The following KCND2 variants were observed in gnomAD, a reference collection of about 807,000 sequenced individuals.
The protein encoded by KCND2 is A-type voltage-gated potassium channel KCND2.
A neutral mutation model predicts 54.4 loss-of-function variants in KCND2; 16 were observed. That is an observed-to-expected ratio of 0.29 (90% CI 0.20 to 0.45). The LOEUF (loss-of-function observed/expected upper bound fraction) is 0.45. Ranked by LOEUF, KCND2 falls within the 20% of genes least tolerant of loss-of-function variation. The pLI is 1.00. For synonymous variants in KCND2, 317 were observed against 310.7 expected (o/e 1.02, Z -0.21); for missense variants, 486 against 824.2 (o/e 0.59, Z 5.02).
intron 1 of KCND2, among the ~76,000 whole-genome samples, chr7:120,542,431 G>T (rs1160820064): frequency 6.6e-6 from 1 of 152,050 alleles, no homozygotes; most frequent in African/African-American, 2.4e-5. Flanking sequence ...TTCTCCAAGT[G>T]TATAAGTTTT....
At chr7:120,686,788 A>G (rs1341913712) in intron 1 of KCND2, among the ~76,000 whole-genome samples, 3 of 152,076 alleles carry the variant, frequency 2.0e-5, no homozygotes, top group Non-Finnish European at 4.4e-5. Context: ...TGTTCCTAGA[A>G]AAAGGTCATA....
At chr7:120,682,939 T>C in intron 1 of KCND2, among the ~76,000 whole-genome samples, 1 of 152,166 alleles carries the variant, frequency 6.6e-6, no homozygotes, top group East Asian at 1.9e-4. Flanking sequence ...AAGCATCACA[T>C]GTTCATAGAA....
At chr7:120,428,979 G>A (rs762779741) in intron 1 of KCND2, among the ~76,000 whole-genome samples, 3 of 152,056 alleles carry the variant, frequency 2.0e-5, no homozygotes, top group Non-Finnish European at 4.4e-5. Flanking sequence ...AGATGTTGCC[G>A]GGTCCTAAGG....
chr7:120,479,023 T>C (rs1315255568), intron 1 of KCND2, among the ~76,000 whole-genome samples: 1 of 152,204 alleles, frequency 6.6e-6, no homozygotes, highest in Non-Finnish European at 1.5e-5. Context: ...AAGTATTTTC[T>C]GCACCTTTGC....
At chr7:120,621,485 C>T (rs911618795) in intron 1 of KCND2, among the ~76,000 whole-genome samples, 8 of 151,654 alleles carry the variant, frequency 5.3e-5, no homozygotes, top group African/African-American at 1.5e-4. Context: ...AAATACAGGT[C>T]GATACACTCT....
chr7:120,281,358 A>C (rs1389268025), intron 1 of KCND2, among the ~76,000 whole-genome samples: 1 of 150,338 alleles, frequency 6.7e-6, no homozygotes, highest in African/African-American at 2.5e-5. Flanking sequence ...GTACATATGT[A>C]TGTATAAGCA....
intron 1 of KCND2, among the ~76,000 whole-genome samples, chr7:120,551,789 T>A (rs1256098520): frequency 6.6e-6 from 1 of 152,202 alleles, no homozygotes; most frequent in African/African-American, 2.4e-5. Flanking sequence ...CATTCATCCA[T>A]CTAATATTCA....
intron 1 of KCND2, among the ~76,000 whole-genome samples, chr7:120,452,747 A>G (rs866563820): frequency 2.0e-4 from 31 of 152,176 alleles, no homozygotes; most frequent in South Asian, 8.3e-4. Flanking sequence ...AAGAGCACAG[A>G]GGGTTTGGTG....
rs1031254536 is a variant in KCND2 at position 120,465,365 on chromosome 7, G to GA, written c.1115+189624dup. Among the ~76,000 whole-genome samples, 5 of 151,934 alleles carry GA rather than the reference G, an allele frequency of 3.3e-5. No homozygotes were observed. In the East Asian group the frequency reaches 9.7e-4, roughly 29 times the overall value. On this transcript the variant is annotated intron_variant, in intron 1 of 5. Transcript: ENST00000331113. ...TAGGATCATAGAGAATAAGCACCGA[G>GA]AAAAAAGGCATCTGATTCAGCCCTC... is the stretch of plus-strand genomic sequence containing the variant.
At chr7:120,358,619 G>A (rs1489655626) in intron 1 of KCND2, among the ~76,000 whole-genome samples, 1 of 151,934 alleles carries the variant, frequency 6.6e-6, no homozygotes, top group Non-Finnish European at 1.5e-5. Context: ...AAATACCTAA[G>A]TCTACCCTGA....
chr7:120,425,180 G>A (rs1801689285), intron 1 of KCND2, among the ~76,000 whole-genome samples: 1 of 152,142 alleles, frequency 6.6e-6, no homozygotes, highest in Non-Finnish European at 1.5e-5. Flanking sequence ...TGCAAACTGA[G>A]CATATAATGG....
At chr7:120,620,968 T>C (rs1469180116) in intron 1 of KCND2, among the ~76,000 whole-genome samples, 2 of 152,128 alleles carry the variant, frequency 1.3e-5, no homozygotes, top group Non-Finnish European at 2.9e-5. Context: ...TCACATGATA[T>C]GGTTCCTTAA....
chr7:120,725,203 A>C (rs779970181), intron 1 of KCND2, among the ~76,000 whole-genome samples: 1 of 152,216 alleles, frequency 6.6e-6, no homozygotes, highest in Non-Finnish European at 1.5e-5. Context: ...TAGATGTGCT[A>C]AAATCATCTT....
rs764464620 is a variant in KCND2 at position 120,274,779 on chromosome 7, C to A, written c.147C>A (p.Gly49=). 1 of 1,614,108 alleles carries A rather than the reference C, an allele frequency of 6.2e-7. No individual in the cohort carries two copies. The highest frequency in any genetic ancestry group is 1.7e-5 in the Admixed American group (1 of 60,026). The change falls in exon 1 of 6, where the codon GGC becomes GGA. Residue 49 remains glycine, a synonymous_variant. Transcript: ENST00000331113. The part of the protein sequence containing the change: ...QDALIVLNVS[G]TRFQTWQDTL... ...CTCTCATTGTGCTGAATGTGAGTGG[C>A]ACCCGCTTCCAGACGTGGCAGGACA...
chr7:120,392,185 T>G (rs546868640), intron 1 of KCND2, among the ~76,000 whole-genome samples: 12 of 152,204 alleles, frequency 7.9e-5, no homozygotes, highest in African/African-American at 2.9e-4. Flanking sequence ...TTTTCCACAT[T>G]GCTTGTTTTT....
rs545867905 is a variant in KCND2 at position 120,632,761 on chromosome 7, C to T, written c.1116-100142C>T. Among the ~76,000 whole-genome samples, 110 of 152,278 alleles carry T rather than the reference C, an allele frequency of 7.2e-4. 2 individuals are homozygous for T. Among genetic ancestry groups the T allele is most frequent in the African/African-American group, 2.5e-3 (102 of 41,568 alleles). ...GAAATGGGCATGGGGAGGTTAGGTA[C>T]TTGCCCCAGATCGCACAGTGAAAAG... is the stretch of plus-strand genomic sequence containing the variant. On this transcript the variant is annotated intron_variant, in intron 1 of 5. Transcript: ENST00000331113.
intron 1 of KCND2, among the ~76,000 whole-genome samples, chr7:120,432,470 T>C (rs563417338): frequency 6.6e-6 from 1 of 151,282 alleles, no homozygotes; most frequent in East Asian, 2.0e-4. Flanking sequence ...TTATTCATAC[T>C]TTTTATGTGT....
At chr7:120,363,081 A>T (rs1367729563) in intron 1 of KCND2, among the ~76,000 whole-genome samples, 1 of 152,032 alleles carries the variant, frequency 6.6e-6, no homozygotes, top group African/African-American at 2.4e-5. Context: ...TGGGAGGATC[A>T]CTTGAGCTCA....
intron 1 of KCND2, among the ~76,000 whole-genome samples, chr7:120,510,241 A>G (rs756756834): frequency 6.6e-6 from 1 of 152,134 alleles, no homozygotes; most frequent in African/African-American, 2.4e-5. Flanking sequence ...AGCACTCTGC[A>G]TACATTAAAG....
Sources: gnomAD v4.1 joint callset for allele counts (sites outside exome capture counted in the v4.1 genomes callset) on GRCh38, gnomAD v4.1.1 for gene constraint, MANE v1.5 for transcripts, NCBI Gene and HGNC (gene_info 2026-07-23, HGNC 2026-07-21) for gene names.